GPR158: variants seen among roughly 807,000 people sequenced by gnomAD.
GPR158 encodes G protein-coupled receptor 158.
In GPR158, 30 loss-of-function variants were observed where a neutral mutation model predicts 78.2. The observed-to-expected ratio is 0.38, with a 90% CI of 0.29 to 0.52. The LOEUF (loss-of-function observed/expected upper bound fraction) is 0.52, where lower values mean the gene tolerates loss of function less well. GPR158 is among the 20% of genes least tolerant of loss of function. GPR158 has a pLI of 0.83. For missense variants in GPR158, 1,463 were observed against 1,523.5 expected, an observed-to-expected ratio of 0.96 and a Z score of 0.66; for synonymous variants, 581 against 591.1, an observed-to-expected ratio of 0.98 and a Z score of 0.25.
intron 5 of GPR158, 101 bp downstream of exon 5, chr10:25,466,820 G>T: frequency 1.8e-6 from 1 of 545,966 alleles, no homozygotes; most frequent in Non-Finnish European, 3.1e-6. Flanking sequence ...ACACACCCTG[G>T]TGTTACTAGG....
At chr10:25,184,124 A>G (rs1852650665) in intron 1 of GPR158, among the ~76,000 whole-genome samples, 1 of 152,240 alleles carries the variant, frequency 6.6e-6, no homozygotes, top group South Asian at 2.1e-4. Context: ...TCATCTATAA[A>G]TTACCAACTT....
At chr10:25,551,671 C>T (rs1836726780) in intron 6 of GPR158, among the ~76,000 whole-genome samples, 1 of 152,118 alleles carries the variant, frequency 6.6e-6, no homozygotes, top group Non-Finnish European at 1.5e-5. Context: ...GCAGGGGAAG[C>T]AACAAAATGA....
chr10:25,424,047 T>C (rs962774702), intron 4 of GPR158, among the ~76,000 whole-genome samples: 8 of 152,192 alleles, frequency 5.3e-5, no homozygotes, highest in African/African-American at 1.7e-4. Flanking sequence ...GCACTTGTTG[T>C]TTCCTGACTT....
At chr10:25,528,272 C>A (rs940854331) in intron 5 of GPR158, among the ~76,000 whole-genome samples, 2 of 151,616 alleles carry the variant, frequency 1.3e-5, no homozygotes, top group African/African-American at 4.8e-5. Context: ...CCCTTATGAA[C>A]ATAGAATTAA....
At chr10:25,332,118 G>GT (rs995165050) in intron 2 of GPR158, among the ~76,000 whole-genome samples, 6 of 152,050 alleles carry the variant, frequency 3.9e-5, no homozygotes, top group Middle Eastern at 3.4e-3. Context: ...ATCACCTGGG[G>GT]GGGGGCGAAT....
chr10:25,499,409 G>A (rs1217955806), intron 5 of GPR158, among the ~76,000 whole-genome samples: 2 of 152,140 alleles, frequency 1.3e-5, no homozygotes, highest in African/African-American at 2.4e-5. Context: ...GTACCAAGGT[G>A]GTATGTGGAA....
intron 4 of GPR158, among the ~76,000 whole-genome samples, chr10:25,445,728 C>T (rs891633802): frequency 2.6e-5 from 4 of 151,186 alleles, no homozygotes; most frequent in Admixed American, 2.0e-4. Flanking sequence ...TTGGTAGTGG[C>T]GGCGAGAGAG....
chr10:25,426,312 A>T (rs1438004777), intron 4 of GPR158, among the ~76,000 whole-genome samples: 1 of 152,118 alleles, frequency 6.6e-6, no homozygotes, highest in Non-Finnish European at 1.5e-5. Flanking sequence ...TCGTATGTTC[A>T]CTGGAGTAGC....
chr10:25,489,973 A>G (rs1835783041), intron 5 of GPR158, among the ~76,000 whole-genome samples: 1 of 152,160 alleles, frequency 6.6e-6, no homozygotes, highest in Non-Finnish European at 1.5e-5. Flanking sequence ...CAAGAAAAAA[A>G]GCAGATTTAT....
chr10:25,581,929 G>A (rs1837205772), intron 7 of GPR158, among the ~76,000 whole-genome samples: 1 of 152,140 alleles, frequency 6.6e-6, no homozygotes, highest in African/African-American at 2.4e-5. Context: ...GTTCCACATG[G>A]CTGAGGAGGC....
intron 4 of GPR158, among the ~76,000 whole-genome samples, chr10:25,425,108 T>C (rs183162647): frequency 2.4e-3 from 372 of 152,314 alleles, no homozygotes; most frequent in Middle Eastern, 0.014. Flanking sequence ...ACATCCCTTG[T>C]AAGCTAGATT....
Position 25,216,292 on chromosome 10 carries a change from G to T in GPR158, c.903-4760G>T, listed in dbSNP as rs528310204. Among the ~76,000 whole-genome samples, 177 of 152,280 alleles carry T rather than the reference G, an allele frequency of 1.2e-3. 2 individuals carry two copies. The highest frequency in any genetic ancestry group is 3.9e-3 in the African/African-American group (164 of 41,554). On this transcript the variant is annotated intron_variant, in intron 1 of 10. Coordinates refer to ENST00000376351, the MANE Select transcript of GPR158 (RefSeq NM_020752.3). ...TCTACCTTGATATCCCATCAATGTT[G>T]ACTACATATGCTGTTACTGTCCATT...
chr10:25,459,457 A>G (rs1835330222), intron 4 of GPR158, among the ~76,000 whole-genome samples: 1 of 152,194 alleles, frequency 6.6e-6, no homozygotes, highest in African/African-American at 2.4e-5. Flanking sequence ...CTTTTGTAAT[A>G]GAAGGTCTAA....
At chr10:25,323,979 C>G (rs1854992444) in intron 2 of GPR158, among the ~76,000 whole-genome samples, 2 of 152,232 alleles carry the variant, frequency 1.3e-5, no homozygotes, top group Admixed American at 6.5e-5. Flanking sequence ...TCACTTCTCT[C>G]AGACTTCATA....
intron 2 of GPR158, among the ~76,000 whole-genome samples, chr10:25,223,456 G>A (rs570383683): frequency 1.3e-5 from 2 of 152,304 alleles, no homozygotes; most frequent in African/African-American, 4.8e-5. Context: ...AGGTCGTATA[G>A]TTTGTGCTGG....
intron 4 of GPR158, among the ~76,000 whole-genome samples, chr10:25,418,637 T>G (rs1834698897): frequency 6.7e-6 from 1 of 149,752 alleles, no homozygotes; most frequent in Non-Finnish European, 1.5e-5. Flanking sequence ...ATTCGTGATC[T>G]CAAAGAGAGA....
chr10:25,574,405 T>C (rs569518222), intron 7 of GPR158, among the ~76,000 whole-genome samples: 5 of 152,318 alleles, frequency 3.3e-5, no homozygotes, highest in South Asian at 4.1e-4. Context: ...TTCACATAGA[T>C]GCATGAGAAT....
At chr10:25,479,454 T>A (rs1272234776) in intron 5 of GPR158, among the ~76,000 whole-genome samples, 1 of 152,090 alleles carries the variant, frequency 6.6e-6, no homozygotes, top group African/African-American at 2.4e-5. Context: ...AGTCATTTTT[T>A]AGTCAGGCTG....
chr10:25,365,268 TTTAAAC>T (rs1855703644), intron 2 of GPR158, among the ~76,000 whole-genome samples: 1 of 13,506 alleles, frequency 7.4e-5, no homozygotes, highest in Non-Finnish European at 3.9e-4. Flanking sequence ...TTTCTCCCCA[TTTAAAC>T]AATATTTAAT....
Sources: gnomAD v4.1 joint callset for allele counts (sites outside exome capture counted in the v4.1 genomes callset) on GRCh38, gnomAD v4.1.1 for gene constraint, MANE v1.5 for transcripts, NCBI Gene and HGNC (gene_info 2026-07-23, HGNC 2026-07-21) for gene names.